Variants in TASP1 observed in about 807,000 individuals in gnomAD.
The protein encoded by TASP1 is taspase 1, also known as threonine aspartase 1.
Under a neutral mutation model 56.6 loss-of-function variants are expected in TASP1, and 16 were observed. The ratio of observed to expected loss-of-function variants is 0.28; its 90% CI spans 0.19 to 0.43. TASP1 has a LOEUF of 0.43. TASP1 is among the 20% of genes least tolerant of loss of function. The pLI is 1.00. For synonymous variants in TASP1, 179 were observed against 184.2 expected, an observed-to-expected ratio of 0.97 and a Z score of 0.23; for missense variants, 393 against 511.6, an observed-to-expected ratio of 0.77 and a Z score of 2.24.
chr20:13,567,390 A>G (rs1378280551), intron 7 of TASP1, among the ~76,000 whole-genome samples: 1 of 152,188 alleles, frequency 6.6e-6, no homozygotes, highest in African/African-American at 2.4e-5. Flanking sequence ...TACCTATATA[A>G]CAAACCTGTA....
At chr20:13,425,718 G>A (rs1020685384) in intron 12 of TASP1, among the ~76,000 whole-genome samples, 1 of 152,042 alleles carries the variant, frequency 6.6e-6, no homozygotes, top group African/African-American at 2.4e-5. Context: ...TTTTTAAATG[G>A]GAAGAATGAG....
At chr20:13,578,274 T>G (rs1356529115) in intron 6 of TASP1, among the ~76,000 whole-genome samples, 1 of 152,096 alleles carries the variant, frequency 6.6e-6, no homozygotes, top group Admixed American at 6.5e-5. Flanking sequence ...TATATCTCAT[T>G]AATATTTTCT....
At chr20:13,289,637 G>C in the TASP1 span, among the ~76,000 whole-genome samples, 3 of 152,022 alleles carry the variant, frequency 2.0e-5, no homozygotes, top group East Asian at 5.8e-4. Flanking sequence ...AAGAAGAGAA[G>C]GGGAAGGGCA....
intron 11 of TASP1, among the ~76,000 whole-genome samples, chr20:13,465,866 T>C (rs897157957): frequency 2.0e-5 from 3 of 152,054 alleles, no homozygotes; most frequent in African/African-American, 7.2e-5. Flanking sequence ...TCAGGTGATG[T>C]GGTTATAAAG....
the TASP1 span, among the ~76,000 whole-genome samples, chr20:13,180,618 A>G: frequency 2.6e-5 from 4 of 152,256 alleles, no homozygotes; most frequent in South Asian, 2.1e-4. Flanking sequence ...TAGCTCTTCA[A>G]TGTTAAAGAT....
chr20:13,105,713 T>C, the TASP1 span, among the ~76,000 whole-genome samples: 1 of 152,228 alleles, frequency 6.6e-6, no homozygotes, highest in African/African-American at 2.4e-5. Context: ...CGGAGCCACA[T>C]TTACCATCTA....
chr20:13,321,495 G>C, the TASP1 span, among the ~76,000 whole-genome samples: 1 of 152,100 alleles, frequency 6.6e-6, no homozygotes, highest in Non-Finnish European at 1.5e-5. Context: ...TCTGGCCCCA[G>C]AAGCATCTAA....
At chr20:13,473,690 T>C (rs1212892183) in intron 11 of TASP1, among the ~76,000 whole-genome samples, 2 of 152,166 alleles carry the variant, frequency 1.3e-5, no homozygotes, top group African/African-American at 4.8e-5. Context: ...AGACACTTCA[T>C]TCATGACTCT....
At chr20:13,416,062 C>T (rs113219711) in intron 13 of TASP1, among the ~76,000 whole-genome samples, 21 of 152,228 alleles carry the variant, frequency 1.4e-4, no homozygotes, top group African/African-American at 4.3e-4. Context: ...ATGGTAGCCA[C>T]GAGCCACATG....
At chr20:13,459,824 C>T (rs555862545) in intron 11 of TASP1, among the ~76,000 whole-genome samples, 1 of 152,230 alleles carries the variant, frequency 6.6e-6, no homozygotes, top group African/African-American at 2.4e-5. Flanking sequence ...CACCTGTTGA[C>T]TAGGTCTACT....
chr20:13,405,254 TAGGATAACATTTTAAA>T (rs2041874195), intron 13 of TASP1, among the ~76,000 whole-genome samples: 2 of 152,178 alleles, frequency 1.3e-5, no homozygotes. Flanking sequence ...CAAGAGTAAA[TAGGATAACATTTTAAA>T]ATGTATACTT....
At chr20:13,348,759 C>T in the TASP1 span, among the ~76,000 whole-genome samples, 1 of 152,160 alleles carries the variant, frequency 6.6e-6, no homozygotes, top group African/African-American at 2.4e-5. Context: ...TTATTTTTGG[C>T]TCTGGGCATC....
At chr20:13,125,046 CA>C in the TASP1 span, among the ~76,000 whole-genome samples, 1 of 151,860 alleles carries the variant, frequency 6.6e-6, no homozygotes, top group South Asian at 2.1e-4. Flanking sequence ...GGCCTGTCAT[CA>C]GCCCATTAGC....
the TASP1 span, among the ~76,000 whole-genome samples, chr20:13,220,107 G>T: frequency 6.6e-6 from 1 of 152,176 alleles, no homozygotes; most frequent in African/African-American, 2.4e-5. Flanking sequence ...CGAACGCGTG[G>T]ACTAGGTCTT....
At chr20:13,353,573 C>T in the TASP1 span, among the ~76,000 whole-genome samples, 4 of 152,202 alleles carry the variant, frequency 2.6e-5, no homozygotes. Context: ...ACACATTCAT[C>T]AGCTTGGTAA....
chr20:13,423,321 C>T (rs2042510982), intron 12 of TASP1, among the ~76,000 whole-genome samples: 1 of 152,294 alleles, frequency 6.6e-6, no homozygotes, highest in Admixed American at 6.5e-5. Context: ...TCATTTACTA[C>T]ACACATCTAT....
intron 10 of TASP1, among the ~76,000 whole-genome samples, chr20:13,507,920 A>AGTTG (rs2044189339): frequency 1.3e-5 from 2 of 152,342 alleles, no homozygotes; most frequent in South Asian, 4.1e-4. Flanking sequence ...CCTAGAAATA[A>AGTTG]ACCCACACAT....
intron 11 of TASP1, among the ~76,000 whole-genome samples, chr20:13,439,449 T>C (rs973800224): frequency 1.4e-4 from 22 of 152,054 alleles, no homozygotes; most frequent in African/African-American, 5.3e-4. Flanking sequence ...AGATGGGAAT[T>C]GAACAATGAG....
chr20:13,552,037 GACAA>G (rs990233893), intron 8 of TASP1, among the ~76,000 whole-genome samples: 1 of 152,132 alleles, frequency 6.6e-6, no homozygotes, highest in Admixed American at 6.6e-5. Context: ...AACATCACAG[GACAA>G]ACAGTCCAGG....
Sources: gnomAD v4.1 joint callset for allele counts (sites outside exome capture counted in the v4.1 genomes callset) on GRCh38, gnomAD v4.1.1 for gene constraint, MANE v1.5 for transcripts, NCBI Gene and HGNC (gene_info 2026-07-23, HGNC 2026-07-21) for gene names.